FHIP2B: variants seen among roughly 807,000 people sequenced by gnomAD.
FHIP2B encodes the protein FHF complex subunit HOOK interacting protein 2B.
Under a neutral mutation model 84.0 loss-of-function variants are expected in FHIP2B, and 72 were observed. The observed-to-expected ratio is 0.86, with a 90% confidence interval of 0.71 to 1.04. The LOEUF is 1.04. FHIP2B is among the 50% of genes least tolerant of loss of function. The pLI is 0.00. For synonymous variants in FHIP2B, 497 were observed against 418.7 expected, an observed-to-expected ratio of 1.19 and a Z score of -2.28; for missense variants, 972 against 968.9, an observed-to-expected ratio of 1.00 and a Z score of -0.04.
At chr8:22,099,174 A>G in intron 8 of FHIP2B, 110 bp from the exon 9 acceptor site, 5 of 1,514,392 alleles carry the variant, frequency 3.3e-6, no homozygotes, top group Non-Finnish European at 4.5e-6. Flanking sequence ...GCGGGGCCCC[A>G]GGCGGGCCGG....
In FHIP2B at chr8:22,102,320, G is replaced by A; in HGVS notation, c.1992+5G>A. Reference sequence around the variant, plus strand: ...CTATTCTCCGTGTTGGTGAGGGTGAGGACGCCTCGGCCCAAGGGAGTGTGC... The same window carrying A: ...CTATTCTCCGTGTTGGTGAGGGTGAAGACGCCTCGGCCCAAGGGAGTGTGC... On this transcript the variant is annotated splice_donor_5th_base_variant and intron_variant, in intron 15 of 16. Coordinates refer to ENST00000289921, the MANE Select transcript of FHIP2B (RefSeq NM_022749.7). 3 of 1,611,958 alleles carry A rather than the reference G, an allele frequency of 1.9e-6. No homozygotes were observed. The highest frequency in any genetic ancestry group is 2.5e-6 in the Non-Finnish European group (3 of 1,179,760).
rs371562419 is a variant in FHIP2B, at chr8:22,102,902, G to A, written c.2203G>A (p.Val735Ile). 131 of 1,613,506 alleles carry A rather than the reference G, an allele frequency of 8.1e-5. No individual in the cohort carries two copies. Among genetic ancestry groups the A allele is most frequent in the Non-Finnish European group, 1.0e-4 (121 of 1,179,824 alleles). Reference sequence around the variant, plus strand: ...TCCCCCACATGATCCTCGCCAGAACGTCTCCCCAGCCCCGGAAGGGCAGGT... The same window carrying A: ...TCCCCCACATGATCCTCGCCAGAACATCTCCCCAGCCCCGGAAGGGCAGGT... ...KFPPHDPRQN[V>I]SPAPEGQV The change falls in exon 17 of 17, where the codon GTC (valine) becomes ATC (isoleucine). Residue 735 changes from valine to isoleucine, a missense_variant. By Grantham distance (29) the Val-to-Ile change is conservative (BLOSUM62 3). Coordinates refer to ENST00000289921, the MANE Select transcript of FHIP2B (RefSeq NM_022749.7).
Position 22,097,782 on chromosome 8 carries a change from C to A in FHIP2B, c.468C>A (p.Thr156=). The A allele has an allele frequency of 6.2e-7, 1 of 1,613,534 alleles. No homozygotes were observed. The change falls in exon 5 of 17, where the codon ACC becomes ACA. Residue 156 remains threonine, a synonymous_variant. Coordinates refer to ENST00000289921, the MANE Select transcript of FHIP2B (RefSeq NM_022749.7). The part of the protein sequence containing the change: ...SVTEKEEVQF[T]TVLCSKIQQD... ...CAGAAAAGGAGGAGGTGCAGTTCAC[C>A]ACCGTCCTCTGCTCCAAGATCCAGC...
rs866793920 is a variant in FHIP2B at position 22,090,153 on chromosome 8, T to C, written c.45+855T>C. Among the ~76,000 whole-genome samples the C allele has an allele frequency of 2.0e-5, 2 of 97,796 alleles. 1 individual carries two copies. Among genetic ancestry groups the C allele is most frequent in the Non-Finnish European group, 4.2e-5 (2 of 48,142 alleles). The allele number at this position is 97,796 out of a possible 152,430, so 64.2% of individuals were successfully genotyped here. On this transcript the variant is annotated intron_variant, in intron 1 of 16. Transcript: ENST00000289921. ...AAGGGTGGGGGTATTCCCGGTAGGG[T>C]GGGGGGGGTGCCCGCTGTTGAAAGT... is the stretch of plus-strand genomic sequence containing the variant.
chr8:22,101,087 C>T, intron 12 of FHIP2B, 115 bp downstream of exon 12: 2 of 1,337,728 alleles, frequency 1.5e-6, no homozygotes, highest in East Asian at 2.5e-5. Flanking sequence ...ACAATCTCGG[C>T]TCACTGCAAC....
In FHIP2B at chr8:22,102,032, C is replaced by T. The variant is rs970425657; in HGVS notation, c.1852-143C>T. Reference sequence around the variant, plus strand: ...CGTCCTAACACGTTCTGGCCCTCAGCCCCATGGAATCCATGACACACACAC... The same window carrying T: ...CGTCCTAACACGTTCTGGCCCTCAGTCCCATGGAATCCATGACACACACAC... On this transcript the variant is annotated intron_variant, in intron 14 of 16. Transcript: ENST00000289921. 80 of 1,535,488 alleles carry T rather than the reference C, an allele frequency of 5.2e-5. No homozygotes were observed. The African/African-American group carries it at 8.3e-4, about 16-fold the overall frequency.
intron 14 of FHIP2B, 45 bp from the exon 15 acceptor site, chr8:22,102,130 C>CACCAGCCCT: frequency 6.2e-7 from 1 of 1,612,558 alleles, no homozygotes; most frequent in African/African-American, 1.3e-5. Context: ...CAAAAATACT[C>CACCAGCCCT]ACCAGCCCTG....
chr8:22,098,023 G>A, intron 5 of FHIP2B, 45 bp from the exon 6 acceptor site: 1 of 1,545,794 alleles, frequency 6.5e-7, no homozygotes, highest in East Asian at 2.3e-5. Context: ...GGGACCCTGG[G>A]AAGTGGTCCC....
rs117802113 is a variant in FHIP2B, at chr8:22,102,585, C to T, written c.2050C>T (p.Leu684Phe). The T allele has an allele frequency of 0.11, 171,568 of 1,564,828 alleles. 10,635 individuals are homozygous for T. Among genetic ancestry groups the T allele is most frequent in the Non-Finnish European group, 0.13 (147,746 of 1,154,910 alleles). The change falls in exon 16 of 17, where the codon CTC becomes TTC. Residue 684 changes from leucine (L) to phenylalanine (F), a missense_variant. By Grantham distance (22) the Leu-to-Phe change is conservative. Coordinates refer to ENST00000289921, the MANE Select transcript of FHIP2B (RefSeq NM_022749.7). ...GGTACCCCAGTTCCCAGGCAAGCTG[C>T]TCCTGGTGCGCAAGCAGTTGACGGG... ...QRVPQFPGKLLLVRKQLTGQA... is the reference protein window; with the variant it reads ...QRVPQFPGKLFLVRKQLTGQA...
At chr8:22,100,142 C>T (rs1826024427) in intron 10 of FHIP2B, 1 of 477,862 alleles carries the variant, frequency 2.1e-6, no homozygotes, top group South Asian at 3.0e-5. Context: ...GATCATAACT[C>T]ACTGCAGTCT....
At chr8:22,092,595 G>A (rs6557795) in intron 1 of FHIP2B, among the ~76,000 whole-genome samples, 134,574 of 139,274 alleles carry the variant, frequency 0.97, 65,232 homozygotes, top group Non-Finnish European at 1. Flanking sequence ...CTCTGTCTCA[G>A]AAGAAAAAAA....
chr8:22,102,093 G>A (rs760079755), intron 14 of FHIP2B, 82 bp from the exon 15 acceptor site: 280 of 1,607,674 alleles, frequency 1.7e-4, no homozygotes, highest in Non-Finnish European at 2.2e-4. Context: ...CACGTTCACA[G>A]TGGCCAGGCA....
At chr8:22,096,109 C>T (rs1385558632) in intron 2 of FHIP2B, 40 of 476,038 alleles carry the variant, frequency 8.4e-5, no homozygotes, top group Non-Finnish European at 7.8e-5. Flanking sequence ...AAGGGCTGGG[C>T]ATGCATGCGT....
chr8:22,098,172 T>C lies in FHIP2B; in HGVS notation c.630T>C (p.Pro210=), dbSNP rs1825890701. The C allele has an allele frequency of 1.3e-6, 2 of 1,575,398 alleles. No homozygotes were observed. Among genetic ancestry groups the C allele is most frequent in the African/African-American group, 2.7e-5 (2 of 74,020 alleles). ...GDKDCSHDGA[P]ARPQLDGESC... is the part of the protein sequence containing the mutation. ...AGGACTGCTCCCACGATGGTGCTCC[T>C]GCCAGGCCCCAGCTGGACGGGGAGT... The change falls in exon 6 of 17, where the codon CCT becomes CCC. Residue 210 remains proline (P), a synonymous_variant. Coordinates refer to ENST00000289921, the MANE Select transcript of FHIP2B (RefSeq NM_022749.7).
chr8:22,093,143 T>G (rs1229079892), intron 1 of FHIP2B, among the ~76,000 whole-genome samples: 1 of 152,156 alleles, frequency 6.6e-6, no homozygotes, highest in Non-Finnish European at 1.5e-5. Flanking sequence ...TGCTGGGGAC[T>G]GAACCTCACT....
chr8:22,098,924 G>A, intron 7 of FHIP2B, 24 bp from the exon 8 acceptor site: 2 of 1,567,090 alleles, frequency 1.3e-6, no homozygotes, highest in African/African-American at 2.7e-5. Context: ...CACTCTCTGA[G>A]ACTTCACTCC....
Position 22,099,876 on chromosome 8 carries a change from GACC to G in FHIP2B, c.1328_1330del (p.His443del). The G allele has an allele frequency of 1.2e-6, 2 of 1,611,176 alleles. No individual in the cohort carries two copies. Among genetic ancestry groups the G allele is most frequent in the Non-Finnish European group, 1.7e-6 (2 of 1,178,884 alleles). ...GTATGCTCATCTCATCGGGCATTGT[GACC>G]ACCTCTCTGATGAGGTACAGTGGGG... On this transcript the variant is annotated inframe_deletion, in exon 10 of 17. Transcript: ENST00000289921.
intron 2 of FHIP2B, chr8:22,094,841 C>A: frequency 8.4e-7 from 1 of 1,188,152 alleles, no homozygotes; most frequent in Non-Finnish European, 1.0e-6. Context: ...AGCTCCAGAC[C>A]TTCAGGCCCC....
intron 1 of FHIP2B, among the ~76,000 whole-genome samples, chr8:22,093,397 T>C (rs79976163): frequency 0.011 from 1,733 of 152,202 alleles, 7 homozygotes; most frequent in Non-Finnish European, 0.013. Flanking sequence ...GTATCAGCCA[T>C]GGTGTAGAGA....
Sources: allele counts gnomAD v4.1 joint callset (sites outside exome capture counted in the v4.1 genomes callset), GRCh38; gene constraint gnomAD v4.1.1; transcripts MANE v1.5; gene names NCBI Gene and HGNC (gene_info 2026-07-23, HGNC 2026-07-21).